Variants in S1PR2 observed in about 807,000 individuals in gnomAD.
The protein encoded by S1PR2 is sphingosine-1-phosphate receptor 2.
A neutral mutation model predicts 16.1 loss-of-function variants in S1PR2; 9 were observed. The observed-to-expected ratio is 0.56, with a 90% CI of 0.34 to 0.98. The LOEUF (loss-of-function observed/expected upper bound fraction) is 0.98, where lower values mean the gene tolerates loss of function less well. Ranked by LOEUF, S1PR2 falls within the 50% of genes least tolerant of loss-of-function variation. The pLI is 0.02. For synonymous variants in S1PR2, 224 were observed against 233.9 expected, an observed-to-expected ratio of 0.96 and a Z score of 0.38; for missense variants, 361 against 488.4, an observed-to-expected ratio of 0.74 and a Z score of 2.46.
rs1057340080 is a variant in S1PR2, at chr19:10,223,666, G to C, written c.*178C>G. The C allele has an allele frequency of 4.9e-6, 3 of 615,666 alleles. No homozygotes were observed. The highest frequency in any genetic ancestry group is 3.7e-5 in the African/African-American group (2 of 54,172). The allele number at this position is 615,666 out of a possible 1,614,324, so 38.1% of individuals were successfully genotyped here. ...GCCCTCAGGACCGCACTGCAACACT[G>C]CTATGTGACTAGTCAGTGCCTTATC... On this transcript the variant is annotated 3_prime_UTR_variant, in exon 2 of 2. Transcript: ENST00000646641.
chr19:10,225,563 AT>A (rs919594804), intron 1 of S1PR2, among the ~76,000 whole-genome samples: 8 of 148,424 alleles, frequency 5.4e-5, no homozygotes, highest in Non-Finnish European at 7.5e-5. Context: ...GGCCCAGCTA[AT>A]TTTTTTTTTA....
chr19:10,228,066 C>T (rs1329264369), intron 1 of S1PR2, among the ~76,000 whole-genome samples: 1 of 150,182 alleles, frequency 6.7e-6, no homozygotes, highest in Non-Finnish European at 1.5e-5. Context: ...TCTGGGAAGC[C>T]GAGGCGGGCC....
chr19:10,224,511 A>G lies in S1PR2; in HGVS notation c.395T>C (p.Val132Ala), dbSNP rs766800341. Residue 132 changes from valine to alanine, a missense_variant, in exon 2 of 2, where the codon GTG (valine) becomes GCG (alanine). Val to Ala is a moderately conservative substitution (Grantham distance 64). Coordinates refer to ENST00000646641, the MANE Select transcript of S1PR2 (RefSeq NM_004230.4). Reference sequence around the variant, plus strand: ...ATACAGCTTGACCTTGGCAATGGCCACGTGGCGCTCAATGGCGATGGCCAG... The same window carrying G: ...ATACAGCTTGACCTTGGCAATGGCCGCGTGGCGCTCAATGGCGATGGCCAG... Reference protein sequence around the residue: ...SLLAIAIERHVAIAKVKLYGS... With the variant: ...SLLAIAIERHAAIAKVKLYGS... 1 of 1,613,746 alleles carries G rather than the reference A, an allele frequency of 6.2e-7. No individual in the cohort carries two copies. Among genetic ancestry groups the G allele is most frequent in the Non-Finnish European group, 8.5e-7 (1 of 1,180,052 alleles).
At chr19:10,230,927 G>C (rs577530071) in intron 1 of S1PR2, among the ~76,000 whole-genome samples, 1 of 152,222 alleles carries the variant, frequency 6.6e-6, no homozygotes, top group Non-Finnish European at 1.5e-5. Context: ...GCCTCCCAAA[G>C]ACTCCAGTCG....
chr19:10,225,106 G>A (rs2039624277), intron 1 of S1PR2, among the ~76,000 whole-genome samples, 159 bp from the exon 2 acceptor site: 1 of 152,178 alleles, frequency 6.6e-6, no homozygotes, highest in Non-Finnish European at 1.5e-5. Flanking sequence ...CTTACAGACG[G>A]GAAACCCAGA....
At chr19:10,230,655 T>C (rs1225830166) in intron 1 of S1PR2, among the ~76,000 whole-genome samples, 1 of 152,258 alleles carries the variant, frequency 6.6e-6, no homozygotes, top group African/African-American at 2.4e-5. Flanking sequence ...AGAGGAGGCG[T>C]CTGAGCCACG....
rs779228186 is a variant in S1PR2, at chr19:10,223,168, C to CAAAAAAAAAAAA, written c.*664_*675dup. 2 of 31,342 alleles carry CAAAAAAAAAAAA rather than the reference C, an allele frequency of 6.4e-5. No homozygotes were observed. The highest frequency in any genetic ancestry group is 3.6e-4 in the African/African-American group (2 of 5,500). The allele number at this position is 31,342 out of a possible 1,614,324, so 1.9% of individuals were successfully genotyped here. On this transcript the variant is annotated 3_prime_UTR_variant, in exon 2 of 2. Coordinates refer to ENST00000646641, the MANE Select transcript of S1PR2 (RefSeq NM_004230.4). ...TGGGCAACAGAGCGAGACTTCATCT[C>CAAAAAAAAAAAA]AAAAAAAAAAAAAAAAAAAAAAAAA...
chr19:10,231,219 C>G lies in S1PR2; in HGVS notation c.-58G>C, dbSNP rs1389282484. 1 of 152,360 alleles carries G rather than the reference C, an allele frequency of 6.6e-6. No homozygotes were observed. Among genetic ancestry groups the G allele is most frequent in the Non-Finnish European group, 1.5e-5 (1 of 68,174 alleles). The allele number at this position is 152,360 out of a possible 1,614,324, so 9.4% of individuals were successfully genotyped here. ...GCGCGCTCACCTGGCTAGGCCGGCC[C>G]GGCTCCCGGCCCTGGCCGGAGGGGC... On this transcript the variant is annotated 5_prime_UTR_variant, in exon 1 of 2. Coordinates refer to ENST00000646641, the MANE Select transcript of S1PR2 (RefSeq NM_004230.4).
Position 10,221,979 on chromosome 19 carries a change from G to C in S1PR2, c.*1865C>G, listed in dbSNP as rs891175453. 6.6e-6 allele frequency: 1 copy of C among 152,450 alleles called. No homozygotes were observed. Among genetic ancestry groups the C allele is most frequent in the African/African-American group, 2.4e-5 (1 of 41,446 alleles). 9.4% of individuals were successfully genotyped at this position (152,450 alleles called of 1,614,324 possible). A position where few individuals can be genotyped will look rare whatever the true frequency, so the allele number is the denominator to read the frequency against. ...ATATAACTTGAAAGAAGAAGGCCGGGCACAGTGGCTCACGCCTGTAATCCC... is the reference window on the plus strand; with the variant it reads ...ATATAACTTGAAAGAAGAAGGCCGGCCACAGTGGCTCACGCCTGTAATCCC... On this transcript the variant is annotated 3_prime_UTR_variant, in exon 2 of 2. Transcript: ENST00000646641.
In S1PR2 at chr19:10,221,799, C is replaced by G. The variant is rs974163730; in HGVS notation, c.*2045G>C. 3 of 152,366 alleles carry G rather than the reference C, an allele frequency of 2.0e-5. No individual in the cohort carries two copies. Among genetic ancestry groups the G allele is most frequent in the African/African-American group, 7.2e-5 (3 of 41,426 alleles). The allele number at this position is 152,366 out of a possible 1,614,324, so 9.4% of individuals were successfully genotyped here. A position where few individuals can be genotyped will look rare whatever the true frequency, so the allele number is the denominator to read the frequency against. On this transcript the variant is annotated 3_prime_UTR_variant, in exon 2 of 2. Coordinates refer to ENST00000646641, the MANE Select transcript of S1PR2 (RefSeq NM_004230.4). ...CATCACGCCTATGTGCACACGCGCG[C>G]GCGCACACACATACACACACACACA...
intron 1 of S1PR2, among the ~76,000 whole-genome samples, chr19:10,229,977 AAATG>A (rs56817125): frequency 1.1e-3 from 169 of 151,686 alleles, no homozygotes; most frequent in African/African-American, 3.8e-3. Flanking sequence ...TGGAATGGGC[AAATG>A]AATGAATGAA....
Position 10,221,677 on chromosome 19 carries a change from C to T in S1PR2, c.*2167G>A, listed in dbSNP as rs1350930124. ...CAATTCCAAAGGGGTCTGGGCAGGA[C>T]CAGAGCTCCCCGACTTTGGCAGCTT... On this transcript the variant is annotated 3_prime_UTR_variant, in exon 2 of 2. Coordinates refer to ENST00000646641, the MANE Select transcript of S1PR2 (RefSeq NM_004230.4). 1 of 152,336 alleles carries T rather than the reference C, an allele frequency of 6.6e-6. No homozygotes were observed. The highest frequency in any genetic ancestry group is 1.5e-5 in the Non-Finnish European group (1 of 68,064). The allele number at this position is 152,336 out of a possible 1,614,324, so 9.4% of individuals were successfully genotyped here. A position where few individuals can be genotyped will look rare whatever the true frequency, so the allele number is the denominator to read the frequency against.
rs765465116 is a variant in S1PR2, at chr19:10,224,766, A to G, written c.140T>C (p.Ile47Thr). 5.6e-6 allele frequency: 9 copies of G among 1,614,120 alleles called. No individual in the cohort carries two copies. Among genetic ancestry groups the G allele is most frequent in the Admixed American group, 1.7e-5 (1 of 60,000 alleles). The stretch of plus-strand genomic sequence containing the variant: ...GAGCACCAGAAGGTTTTCCACCACA[A>G]TGGCGCAACAGAGGATGACGATGAA... ...SAFIVILCCA[I>T]VVENLLVLIA... Residue 47 changes from isoleucine to threonine, a missense_variant, in exon 2 of 2, where the codon ATT (isoleucine) becomes ACT (threonine). Ile to Thr is a moderately conservative substitution (Grantham distance 89). Coordinates refer to ENST00000646641, the MANE Select transcript of S1PR2 (RefSeq NM_004230.4).
At position 10,224,366 on chromosome 19, in the gene S1PR2, G is replaced by A. The variant is rs2039615783; in HGVS notation, c.540C>T (p.Ser180=). Residue 180 remains serine (S), a synonymous_variant, in exon 2 of 2, where the codon TCC becomes TCT. Transcript: ENST00000646641. The part of the protein sequence containing the change: ...WNCLGHLEAC[S]TVLPLYAKHY... ...GCTTGGCGTAGAGAGGCAGGACAGTGGAGCAGGCCTCGAGGTGGCCCAGGC... is the reference window on the plus strand; with the variant it reads ...GCTTGGCGTAGAGAGGCAGGACAGTAGAGCAGGCCTCGAGGTGGCCCAGGC... The A allele has an allele frequency of 1.2e-6, 2 of 1,613,890 alleles. No individual in the cohort carries two copies. The highest frequency in any genetic ancestry group is 1.7e-5 in the Admixed American group (1 of 60,014).
intron 1 of S1PR2, among the ~76,000 whole-genome samples, chr19:10,227,346 C>T (rs1284808909): frequency 1.3e-5 from 2 of 152,136 alleles, no homozygotes; most frequent in Non-Finnish European, 2.9e-5. Flanking sequence ...TCCCTGGCCG[C>T]CCCCTCCAAG....
chr19:10,227,720 T>C (rs1283356210), intron 1 of S1PR2, among the ~76,000 whole-genome samples: 1 of 152,182 alleles, frequency 6.6e-6, no homozygotes, highest in African/African-American at 2.4e-5. Flanking sequence ...TTGGGGGCGC[T>C]CTACGGCCAG....
intron 1 of S1PR2, among the ~76,000 whole-genome samples, chr19:10,229,279 T>G (rs2039654585): frequency 6.7e-6 from 1 of 149,546 alleles, no homozygotes; most frequent in Non-Finnish European, 1.5e-5. Context: ...GGCACACTCT[T>G]TTTCTCAAAA....
chr19:10,230,647 A>C (rs1342496522), intron 1 of S1PR2, among the ~76,000 whole-genome samples: 1 of 152,228 alleles, frequency 6.6e-6, no homozygotes. Flanking sequence ...GAGTTGAAAG[A>C]GGAGGCGTCT....
In S1PR2 at chr19:10,222,050, T is replaced by G. The variant is rs1235611528; in HGVS notation, c.*1794A>C. The G allele has an allele frequency of 6.6e-6, 1 of 151,268 alleles. No homozygotes were observed. The highest frequency in any genetic ancestry group is 2.4e-5 in the African/African-American group (1 of 41,064). The allele number at this position is 151,268 out of a possible 1,614,324, so 9.4% of individuals were successfully genotyped here. A position where few individuals can be genotyped will look rare whatever the true frequency, so the allele number is the denominator to read the frequency against. On this transcript the variant is annotated 3_prime_UTR_variant, in exon 2 of 2. Coordinates refer to ENST00000646641, the MANE Select transcript of S1PR2 (RefSeq NM_004230.4). ...CGGGCGGATCACTTGAGGTCAGGAG[T>G]TTGAGACCAGCCTGGCCAACGTAGT... is the stretch of plus-strand genomic sequence containing the variant.
Sources: allele counts gnomAD v4.1 joint callset (sites outside exome capture counted in the v4.1 genomes callset), GRCh38; gene constraint gnomAD v4.1.1; transcripts MANE v1.5; gene names NCBI Gene and HGNC (gene_info 2026-07-23, HGNC 2026-07-21).